Variants in ONECUT1 observed in about 807,000 individuals in gnomAD.
ONECUT1 encodes hepatocyte nuclear factor 6.
A neutral mutation model predicts 25.6 loss-of-function variants in ONECUT1; 12 were observed. That is an observed-to-expected ratio of 0.47 (90% CI 0.30 to 0.76). The LOEUF is 0.76. Among genes scored for constraint, ONECUT1 ranks in the 30% least tolerant of loss-of-function variants. ONECUT1 has a pLI of 0.07. For synonymous variants in ONECUT1, 285 were observed against 270.2 expected (o/e 1.05, Z -0.54); for missense variants, 620 against 651.2 (o/e 0.95, Z 0.52).
intron 1 of ONECUT1, among the ~76,000 whole-genome samples, chr15:52,762,242 C>T (rs2083710214): frequency 6.6e-6 from 1 of 152,202 alleles, no homozygotes; most frequent in African/African-American, 2.4e-5. Context: ...GCTGAAGCTA[C>T]CCCTGAGCCA....
At chr15:52,770,861 T>TGAGA (rs536066470) in intron 1 of ONECUT1, among the ~76,000 whole-genome samples, 1 of 150,872 alleles carries the variant, frequency 6.6e-6, no homozygotes, top group Non-Finnish European at 1.5e-5. Flanking sequence ...TGTCAGTTTA[T>TGAGA]GAGAGAGAGA....
At chr15:52,780,771 C>T in intron 1 of ONECUT1, 1 of 1,421,618 alleles carries the variant, frequency 7.0e-7, no homozygotes, top group East Asian at 2.6e-5. Flanking sequence ...GGAAAGAAAG[C>T]AAAAAGCACA....
intron 1 of ONECUT1, among the ~76,000 whole-genome samples, chr15:52,767,069 ACT>A (rs2083738897): frequency 6.6e-6 from 1 of 151,984 alleles, no homozygotes; most frequent in Non-Finnish European, 1.5e-5. Flanking sequence ...TGAGGGAGAC[ACT>A]GTTATTCTCT....
intron 1 of ONECUT1, among the ~76,000 whole-genome samples, chr15:52,783,638 G>T (rs1014704212): frequency 1.3e-5 from 2 of 152,192 alleles, no homozygotes; most frequent in African/African-American, 2.4e-5. Context: ...CGGTCAGTTT[G>T]CAGGAAGAGG....
chr15:52,782,732 A>T (rs756218845), intron 1 of ONECUT1, among the ~76,000 whole-genome samples: 7 of 152,202 alleles, frequency 4.6e-5, no homozygotes, highest in Non-Finnish European at 5.9e-5. Context: ...GAGTGTGGAA[A>T]TTCTGCTGTT....
chr15:52,787,494 G>T (rs1272756704), intron 1 of ONECUT1, among the ~76,000 whole-genome samples: 1 of 152,112 alleles, frequency 6.6e-6, no homozygotes, highest in Non-Finnish European at 1.5e-5. Context: ...GCTCAGAGCG[G>T]ATTGACTGTC....
At chr15:52,773,433 G>A (rs8036828) in intron 1 of ONECUT1, among the ~76,000 whole-genome samples, 3,096 of 152,266 alleles carry the variant, frequency 0.02, 112 homozygotes, top group African/African-American at 0.071. Flanking sequence ...GCATGTTTAT[G>A]CGTACATGGA....
intron 1 of ONECUT1, among the ~76,000 whole-genome samples, chr15:52,779,245 G>A (rs538737126): frequency 2.0e-5 from 3 of 151,800 alleles, no homozygotes; most frequent in East Asian, 1.9e-4. Flanking sequence ...CACCACACCC[G>A]GCTAATATTT....
rs765349111 is a variant in ONECUT1 at position 52,789,237 on chromosome 15, G to A, written c.648C>T (p.Asn216=). The change falls in exon 1 of 2, where the codon AAC becomes AAT. Residue 216 remains asparagine (N), a synonymous_variant. Transcript: ENST00000305901. The surrounding 1 kb of genome is among the most constrained non-coding windows in gnomAD (Gnocchi z 4.1). ...TGGCCGGGTGGTGGGCTTCGAAGCC[G>A]TTGGGGGTGAGCATCTTGTCGGTGG... The part of the protein sequence containing the change: ...AMPTDKMLTP[N]GFEAHHPAML... The A allele has an allele frequency of 1.4e-5, 21 of 1,554,040 alleles. No homozygotes were observed. The East Asian group carries it at 4.3e-4, about 32-fold the overall frequency.
chr15:52,774,203 TA>T (rs955630201), intron 1 of ONECUT1, among the ~76,000 whole-genome samples: 7 of 152,000 alleles, frequency 4.6e-5, no homozygotes, highest in African/African-American at 1.7e-4. Context: ...GTGATTCTTT[TA>T]TTTTTTTTCT....
At chr15:52,779,908 T>A (rs974248215) in intron 1 of ONECUT1, among the ~76,000 whole-genome samples, 2 of 152,190 alleles carry the variant, frequency 1.3e-5, no homozygotes, top group African/African-American at 4.8e-5. Flanking sequence ...GGCAGAGGCA[T>A]CTGTCTCCAT....
At chr15:52,768,817 T>C (rs1163477583) in intron 1 of ONECUT1, among the ~76,000 whole-genome samples, 1 of 152,214 alleles carries the variant, frequency 6.6e-6, no homozygotes, top group African/African-American at 2.4e-5. Flanking sequence ...AAACTGTAAA[T>C]GCTATTCTTC....
chr15:52,772,265 A>G (rs2083772821), intron 1 of ONECUT1, among the ~76,000 whole-genome samples: 1 of 152,020 alleles, frequency 6.6e-6, no homozygotes, highest in Non-Finnish European at 1.5e-5. Context: ...GTTGTGGCAC[A>G]CACCTGTAGT....
chr15:52,766,712 T>C (rs1246828120), intron 1 of ONECUT1, among the ~76,000 whole-genome samples: 1 of 152,162 alleles, frequency 6.6e-6, no homozygotes, highest in Admixed American at 6.5e-5. Flanking sequence ...GAGAAGAAGC[T>C]GAAGGAAGCA....
rs114209747 is a variant in ONECUT1, at chr15:52,759,312, C to A, written c.1106-1465G>T. On this transcript the variant is annotated intron_variant, in intron 1 of 1. Coordinates refer to ENST00000305901, the MANE Select transcript of ONECUT1 (RefSeq NM_004498.4). ...CCTCTGTGCTCTCCTCAGCCTGCCC[C>A]TCCCTTTCATTTCCAGCTGGGTAGA... 3.4e-3 allele frequency among the ~76,000 whole-genome samples: 519 copies of A among 152,310 alleles called. 2 individuals are homozygous for A. Among genetic ancestry groups the A allele is most frequent in the African/African-American group, 0.012 (505 of 41,568 alleles).
At chr15:52,783,341 A>G (rs2083852885) in intron 1 of ONECUT1, among the ~76,000 whole-genome samples, 1 of 152,210 alleles carries the variant, frequency 6.6e-6, no homozygotes, top group African/African-American at 2.4e-5. Flanking sequence ...CTTTTCGATT[A>G]CCTCAGTGTG....
intron 1 of ONECUT1, chr15:52,780,644 C>T (rs2083834935): frequency 1.3e-6 from 2 of 1,535,108 alleles, no homozygotes; most frequent in East Asian, 4.9e-5. Context: ...TCGCTTTAGC[C>T]ACTCCTCTCA....
chr15:52,765,193 G>C (rs1297456664), intron 1 of ONECUT1, among the ~76,000 whole-genome samples: 1 of 152,236 alleles, frequency 6.6e-6, no homozygotes, highest in African/African-American at 2.4e-5. Context: ...TGGGAAATGG[G>C]AGTGACTAAT....
intron 1 of ONECUT1, among the ~76,000 whole-genome samples, chr15:52,764,296 G>A (rs1212610200): frequency 1.3e-5 from 2 of 152,186 alleles, no homozygotes; most frequent in Non-Finnish European, 2.9e-5. Context: ...ATATGCACCT[G>A]CAAATACCAT....
Sources: allele counts gnomAD v4.1 joint callset (sites outside exome capture counted in the v4.1 genomes callset), GRCh38; gene constraint gnomAD v4.1.1; non-coding constraint Gnocchi (gnomAD v3.1); transcripts MANE v1.5; gene names NCBI Gene and HGNC (gene_info 2026-07-23, HGNC 2026-07-21).